The following ALPK1 variants were observed in gnomAD, a reference collection of about 807,000 sequenced individuals.
The protein encoded by ALPK1 is alpha-protein kinase 1.
Under a neutral mutation model 120.6 loss-of-function variants are expected in ALPK1, and 110 were observed. The ratio of observed to expected loss-of-function variants is 0.91; its 90% confidence interval spans 0.78 to 1.07. The LOEUF is 1.07. Among genes scored for constraint, ALPK1 ranks in the 50% least tolerant of loss-of-function variants. The pLI is 0.00. For synonymous variants in ALPK1, 582 were observed against 560.3 expected (o/e 1.04, Z -0.55); for missense variants, 1,498 against 1,483.9 (o/e 1.01, Z -0.16).
chr4:112,333,661 G>A (rs960970658), intron 2 of ALPK1, among the ~76,000 whole-genome samples: 2 of 152,266 alleles, frequency 1.3e-5, no homozygotes, highest in East Asian at 1.9e-4. Context: ...TTGACCCAAA[G>A]GAGCTATATT....
chr4:112,433,289 G>A (rs1182766700), intron 11 of ALPK1, among the ~76,000 whole-genome samples: 2 of 152,156 alleles, frequency 1.3e-5, no homozygotes, highest in Non-Finnish European at 2.9e-5. Flanking sequence ...ACTGCTTTCT[G>A]GTTCATTGAC....
chr4:112,384,593 A>AT (rs1275584845), intron 4 of ALPK1: 1 of 152,264 alleles, frequency 6.6e-6, no homozygotes, highest in Non-Finnish European at 1.5e-5. Flanking sequence ...AGAAATTCAA[A>AT]TTCTTGGGTG....
intron 2 of ALPK1, among the ~76,000 whole-genome samples, chr4:112,326,420 T>G (rs10030340): frequency 0.34 from 52,332 of 151,954 alleles, 10,105 homozygotes; most frequent in African/African-American, 0.51. Context: ...AGCAGACTTT[T>G]TCTGTTTCAT....
At chr4:112,399,564 A>G (rs189467021) in intron 4 of ALPK1, among the ~76,000 whole-genome samples, 12 of 152,290 alleles carry the variant, frequency 7.9e-5, no homozygotes, top group Non-Finnish European at 2.9e-5. Context: ...ATGTATGACC[A>G]AGAAAGGATT....
chr4:112,399,897 C>T (rs1248949576), intron 4 of ALPK1, among the ~76,000 whole-genome samples: 1 of 152,106 alleles, frequency 6.6e-6, no homozygotes, highest in Non-Finnish European at 1.5e-5. Flanking sequence ...TGGCTTCTAG[C>T]TTCATCCATG....
At chr4:112,388,773 C>G (rs188077369) in intron 4 of ALPK1, among the ~76,000 whole-genome samples, 1 of 152,170 alleles carries the variant, frequency 6.6e-6, no homozygotes, top group Admixed American at 6.5e-5. Flanking sequence ...TGGAAAACTA[C>G]AAAAATGAAG....
At chr4:112,409,369 C>T (rs1450413573) in intron 4 of ALPK1, among the ~76,000 whole-genome samples, 1 of 152,020 alleles carries the variant, frequency 6.6e-6, no homozygotes, top group African/African-American at 2.4e-5. Flanking sequence ...AGGATCTGAT[C>T]AATAGTACCT....
rs530040765 is a variant in ALPK1, at chr4:112,432,318, C to G, written c.2771C>G (p.Ser924Cys). ...PGNMLNCSQN[S>C]SSSSVWWLKS... is the part of the protein sequence containing the mutation. The stretch of plus-strand genomic sequence containing the variant: ...AACATGCTAAACTGCAGCCAGAACT[C>G]CAGCTCATCCTCAGTGTGGTGGCTG... The change falls in exon 11 of 16, where the codon TCC (serine) becomes TGC (cysteine). Residue 924 changes from serine (S) to cysteine (C), a missense_variant. Transcript: ENST00000650871. 79 of 1,614,224 alleles carry G rather than the reference C, an allele frequency of 4.9e-5. No individual in the cohort carries two copies. The highest frequency in any genetic ancestry group is 6.4e-5 in the Non-Finnish European group (75 of 1,180,046).
intron 2 of ALPK1, among the ~76,000 whole-genome samples, chr4:112,341,057 C>A (rs9917921): frequency 0.68 from 103,762 of 152,076 alleles, 35,731 homozygotes; most frequent in East Asian, 0.89. Context: ...CTAGCATTTC[C>A]CTACACTCAA....
chr4:112,309,358 G>GAGGA (rs1728287557), intron 1 of ALPK1, among the ~76,000 whole-genome samples: 1 of 152,170 alleles, frequency 6.6e-6, no homozygotes, highest in Admixed American at 6.5e-5. Flanking sequence ...AGAGTCTGCA[G>GAGGA]AGGCAGGCAG....
chr4:112,368,619 GGAACACTAC>G (rs1267162332), intron 2 of ALPK1, among the ~76,000 whole-genome samples: 2 of 152,132 alleles, frequency 1.3e-5, no homozygotes, highest in African/African-American at 2.4e-5. Flanking sequence ...CAGTTGACTG[GGAACACTAC>G]TAACCTAATC....
At chr4:112,382,750 C>T in intron 4 of ALPK1, 198 bp downstream of exon 4, 1 of 679,550 alleles carries the variant, frequency 1.5e-6, no homozygotes. Flanking sequence ...GTTGTAAAGC[C>T]AAATCCAGTA....
chr4:112,305,089 G>A (rs1727974970), intron 1 of ALPK1, among the ~76,000 whole-genome samples: 1 of 152,034 alleles, frequency 6.6e-6, no homozygotes, highest in African/African-American at 2.4e-5. Context: ...TAAGGGCTCT[G>A]TTCTGTTCCA....
At chr4:112,395,437 A>G (rs1035895475) in intron 4 of ALPK1, among the ~76,000 whole-genome samples, 2 of 152,240 alleles carry the variant, frequency 1.3e-5, no homozygotes, top group African/African-American at 2.4e-5. Context: ...GTTTGCTATT[A>G]TGCCATGAAT....
rs1578453760 is a variant in ALPK1, at chr4:112,312,954, C to T, written c.-152-2847C>T. ...CACAAGGCATGGCCCTTCCGGTAAC[C>T]CCAACTGCTCCTATTCAGCCTCTTT... On this transcript the variant is annotated intron_variant, in intron 1 of 15. Transcript: ENST00000650871. Among the ~76,000 whole-genome samples, 3 of 152,304 alleles carry T rather than the reference C, an allele frequency of 2.0e-5. No individual in the cohort carries two copies. In the East Asian group the frequency reaches 5.8e-4, roughly 29 times the overall value.
At chr4:112,372,020 A>G (rs1041182823) in intron 2 of ALPK1, among the ~76,000 whole-genome samples, 4 of 152,182 alleles carry the variant, frequency 2.6e-5, no homozygotes, top group African/African-American at 9.7e-5. Flanking sequence ...CAGAAGTCTT[A>G]CAAATAGTTA....
At chr4:112,333,576 AT>A (rs1729481073) in intron 2 of ALPK1, among the ~76,000 whole-genome samples, 1 of 152,182 alleles carries the variant, frequency 6.6e-6, no homozygotes, top group Non-Finnish European at 1.5e-5. Flanking sequence ...AACTGAACAA[AT>A]GGTCATAACC....
At chr4:112,353,480 C>T (rs182882677) in intron 2 of ALPK1, among the ~76,000 whole-genome samples, 2 of 152,248 alleles carry the variant, frequency 1.3e-5, no homozygotes, top group Admixed American at 6.5e-5. Context: ...CTGGATAATG[C>T]CAAACTGTAG....
At position 112,316,597 on chromosome 4, in the gene ALPK1, C is replaced by T. The variant is rs150765615; in HGVS notation, c.-101+745C>T. Among the ~76,000 whole-genome samples the T allele has an allele frequency of 7.3e-4, 111 of 152,204 alleles. 1 individual carries two copies. The highest frequency in any genetic ancestry group is 2.5e-3 in the African/African-American group (103 of 41,552). Reference sequence around the variant, plus strand: ...GAACTGCCGTACAGTGACAATACTGCATAAGATTTCTGATTTCTCCACATC... The same window carrying T: ...GAACTGCCGTACAGTGACAATACTGTATAAGATTTCTGATTTCTCCACATC... On this transcript the variant is annotated intron_variant, in intron 2 of 15. Transcript: ENST00000650871.
Sources: allele counts gnomAD v4.1 joint callset (sites outside exome capture counted in the v4.1 genomes callset), GRCh38; gene constraint gnomAD v4.1.1; transcripts MANE v1.5; gene names NCBI Gene and HGNC (gene_info 2026-07-23, HGNC 2026-07-21).